SETBP1: variants seen among roughly 807,000 people sequenced by gnomAD.
The protein encoded by SETBP1 is SET binding protein 1.
In SETBP1, 9 loss-of-function variants were observed where a neutral mutation model predicts 101.0. The observed-to-expected ratio is 0.09, with a 90% CI of 0.05 to 0.16. The LOEUF (loss-of-function observed/expected upper bound fraction) is 0.16. SETBP1 is among the 10% of genes least tolerant of loss of function. SETBP1 has a pLI of 1.00. For missense variants in SETBP1, 1,858 were observed against 2,033.8 expected (o/e 0.91, Z 1.66); for synonymous variants, 818 against 788.5 (o/e 1.04, Z -0.63).
chr18:44,878,013 T>C (rs1432908148), intron 3 of SETBP1, among the ~76,000 whole-genome samples: 1 of 152,132 alleles, frequency 6.6e-6, no homozygotes, highest in Non-Finnish European at 1.5e-5. Context: ...TGTGAGAAAA[T>C]TGATAGATGA....
At chr18:44,992,074 A>G (rs892339049) in intron 4 of SETBP1, among the ~76,000 whole-genome samples, 31 of 152,288 alleles carry the variant, frequency 2.0e-4, no homozygotes, top group Admixed American at 1.7e-3. Context: ...AAAACACAAC[A>G]TGTCAAAACA....
At chr18:44,680,393 T>C (rs1256682987), upstream of SETBP1, 1 of 151,570 alleles carries the variant, frequency 6.6e-6, no homozygotes, top group Non-Finnish European at 1.5e-5. Context: ...CGCCGGGACA[T>C]GGGTGAGCAC....
At chr18:45,020,295 A>AAAAAAAAAAT (rs1402729585) in intron 4 of SETBP1, among the ~76,000 whole-genome samples, 1 of 137,046 alleles carries the variant, frequency 7.3e-6, no homozygotes, top group African/African-American at 2.8e-5. Flanking sequence ...AAAAAAAAAA[A>AAAAAAAAAAT]GTGGCTTCTC....
At chr18:45,055,075 T>A (rs908823679) in intron 5 of SETBP1, among the ~76,000 whole-genome samples, 3 of 152,146 alleles carry the variant, frequency 2.0e-5, no homozygotes, top group African/African-American at 4.8e-5. Flanking sequence ...TAATCAAACA[T>A]CTACTATGAC....
rs1271178632 is a variant in SETBP1 at position 44,989,888 on chromosome 18, AAAAAAAAAAAAAAAAAAAAT to A, written c.4000+36549_4000+36568del. Among the ~76,000 whole-genome samples, 47 of 127,412 alleles carry A rather than the reference AAAAAAAAAAAAAAAAAAAAT, an allele frequency of 3.7e-4. 1 individual carries two copies. The South Asian group carries it at 8.2e-3, about 22-fold the overall frequency. The allele number at this position is 127,412 out of a possible 152,430, so 83.6% of individuals were successfully genotyped here. On this transcript the variant is annotated intron_variant, in intron 4 of 5. Transcript: ENST00000649279. ...CGTCTCAAAAAAAAAAAAAAAAAAA[AAAAAAAAAAAAAAAAAAAAT>A]TTATCTAAGTGGACACACTGTAATC...
At chr18:44,881,410 G>A (rs766761028) in intron 3 of SETBP1, among the ~76,000 whole-genome samples, 58 of 152,326 alleles carry the variant, frequency 3.8e-4, no homozygotes, top group Admixed American at 1.8e-3. Context: ...TAGAGAGACA[G>A]CACATTTCAT....
intron 2 of SETBP1, among the ~76,000 whole-genome samples, chr18:44,723,161 C>G (rs186566478): frequency 1.2e-3 from 177 of 152,270 alleles, no homozygotes; most frequent in Admixed American, 2.7e-3. Context: ...TTTCCCTACC[C>G]CTTAATTTCT....
At chr18:45,062,852 AATC>A (rs1255175821) in intron 5 of SETBP1, among the ~76,000 whole-genome samples, 2 of 152,214 alleles carry the variant, frequency 1.3e-5, no homozygotes, top group African/African-American at 2.4e-5. Flanking sequence ...GGAGGACTGA[AATC>A]ATGTCAATAG....
Position 44,921,508 on chromosome 18 carries a change from C to T in SETBP1, c.541-28373C>T, listed in dbSNP as rs139837343. ...AAGGGAAGCATGGAGTTCTCCCAAA[C>T]GAAGGTTAGCGCACTGGGGGAGACC... On this transcript the variant is annotated intron_variant, in intron 3 of 5. Coordinates refer to ENST00000649279, the MANE Select transcript of SETBP1 (RefSeq NM_015559.3). Among the ~76,000 whole-genome samples, 37 of 152,290 alleles carry T rather than the reference C, an allele frequency of 2.4e-4. No individual in the cohort carries two copies. In the South Asian group the frequency reaches 7.2e-3, roughly 30 times the overall value.
rs143342553 is a variant in SETBP1, at chr18:44,777,553, G to A, written c.486+75721G>A. On this transcript the variant is annotated intron_variant, in intron 2 of 5. Transcript: ENST00000649279. Reference sequence around the variant, plus strand: ...ATCCCCTCATCTGGTGGATAGAGTTGCACCTGTATATCTCTGGCTGTTCTG... The same window carrying A: ...ATCCCCTCATCTGGTGGATAGAGTTACACCTGTATATCTCTGGCTGTTCTG... Among the ~76,000 whole-genome samples the A allele has an allele frequency of 4.6e-3, 706 of 152,256 alleles. 2 individuals carry two copies. The highest frequency in any genetic ancestry group is 7.6e-3 in the Non-Finnish European group (516 of 68,006).
At chr18:44,993,306 G>C (rs983985192) in intron 4 of SETBP1, among the ~76,000 whole-genome samples, 4 of 152,036 alleles carry the variant, frequency 2.6e-5, no homozygotes, top group African/African-American at 9.7e-5. Flanking sequence ...GTCTCAGCCA[G>C]TAAGCTAAGG....
intron 4 of SETBP1, among the ~76,000 whole-genome samples, chr18:45,007,956 C>T (rs2072763959): frequency 1.3e-5 from 2 of 152,244 alleles, no homozygotes; most frequent in South Asian, 4.1e-4. Flanking sequence ...AGTAATGCCT[C>T]CAGAGCTTCC....
At chr18:45,046,886 C>T (rs2073623822) in intron 5 of SETBP1, among the ~76,000 whole-genome samples, 1 of 152,160 alleles carries the variant, frequency 6.6e-6, no homozygotes, top group Non-Finnish European at 1.5e-5. Flanking sequence ...GAATCTTGCA[C>T]GATGCTGGGT....
intron 2 of SETBP1, among the ~76,000 whole-genome samples, chr18:44,704,212 G>T (rs2069172232): frequency 6.6e-6 from 1 of 152,226 alleles, no homozygotes; most frequent in Non-Finnish European, 1.5e-5. Flanking sequence ...GCTGAAATGT[G>T]CAGTGGACTT....
At chr18:44,879,670 G>T (rs2069486042) in intron 3 of SETBP1, among the ~76,000 whole-genome samples, 1 of 152,282 alleles carries the variant, frequency 6.6e-6, no homozygotes, top group South Asian at 2.1e-4. Context: ...GGCTGTTTAT[G>T]ATGCTTGCCA....
chr18:45,002,742 C>A (rs2072643143), intron 4 of SETBP1, among the ~76,000 whole-genome samples: 1 of 152,192 alleles, frequency 6.6e-6, no homozygotes, highest in Admixed American at 6.5e-5. Flanking sequence ...ACTCTCTCAT[C>A]TGAAGAGACA....
rs143655064 is a variant in SETBP1 at position 44,871,430 on chromosome 18, T to C, written c.540+2147T>C. On this transcript the variant is annotated intron_variant, in intron 3 of 5. Coordinates refer to ENST00000649279, the MANE Select transcript of SETBP1 (RefSeq NM_015559.3). ...GTGTGTTCCCCTCCAAGACCCATCATTGACTGTCAGGAGGGGACTCACTGA... is the reference window on the plus strand; with the variant it reads ...GTGTGTTCCCCTCCAAGACCCATCACTGACTGTCAGGAGGGGACTCACTGA... 3.3e-5 allele frequency: 5 copies of C among 152,308 alleles called. No homozygotes were observed. The East Asian group carries it at 5.8e-4, about 18-fold the overall frequency. 9.4% of individuals were successfully genotyped at this position (152,308 alleles called of 1,614,324 possible).
chr18:44,838,443 G>A (rs1185391992), intron 2 of SETBP1, among the ~76,000 whole-genome samples: 1 of 152,136 alleles, frequency 6.6e-6, no homozygotes, highest in African/African-American at 2.4e-5. Flanking sequence ...TGACAGAATG[G>A]GAAGGAGCTG....
intron 4 of SETBP1, among the ~76,000 whole-genome samples, chr18:44,973,094 T>G (rs915973988): frequency 1.3e-5 from 2 of 152,238 alleles, no homozygotes; most frequent in Admixed American, 1.3e-4. Flanking sequence ...AAAGGGTAGT[T>G]GAATTTTGTC....
Sources: allele counts gnomAD v4.1 joint callset (sites outside exome capture counted in the v4.1 genomes callset), GRCh38; gene constraint gnomAD v4.1.1; transcripts MANE v1.5; gene names NCBI Gene and HGNC (gene_info 2026-07-23, HGNC 2026-07-21).